EFNA5: variants seen among roughly 807,000 people sequenced by gnomAD.
EFNA5 encodes ephrin A5.
In EFNA5, 5 loss-of-function variants were observed where a neutral mutation model predicts 22.9. The ratio of observed to expected loss-of-function variants is 0.22; its 90% CI spans 0.11 to 0.46. The LOEUF (loss-of-function observed/expected upper bound fraction) is 0.46. Among genes scored for constraint, EFNA5 ranks in the 20% least tolerant of loss-of-function variants. The pLI is 0.99. For synonymous variants in EFNA5, 113 were observed against 112.2 expected, an observed-to-expected ratio of 1.01 and a Z score of -0.04; for missense variants, 237 against 293.3, an observed-to-expected ratio of 0.81 and a Z score of 1.40.
chr5:107,474,346 T>G (rs1750223084), intron 1 of EFNA5, among the ~76,000 whole-genome samples: 2 of 152,158 alleles, frequency 1.3e-5, no homozygotes, highest in African/African-American at 4.8e-5. Flanking sequence ...TTTGTCACTT[T>G]TCAGTATACC....
intron 1 of EFNA5, among the ~76,000 whole-genome samples, chr5:107,505,395 T>G (rs1016893307): frequency 2.0e-5 from 3 of 152,194 alleles, no homozygotes; most frequent in African/African-American, 7.2e-5. Flanking sequence ...GTACTGATTC[T>G]CCATGCAACA....
chr5:107,541,233 CGGT>C (rs1748040812), intron 1 of EFNA5, among the ~76,000 whole-genome samples: 1 of 151,952 alleles, frequency 6.6e-6, no homozygotes, highest in Non-Finnish European at 1.5e-5. Context: ...ATTATATTCA[CGGT>C]ATGATTATAG....
intron 1 of EFNA5, among the ~76,000 whole-genome samples, chr5:107,656,029 G>T (rs1032884111): frequency 6.6e-6 from 1 of 152,160 alleles, no homozygotes; most frequent in Non-Finnish European, 1.5e-5. Flanking sequence ...CCAGCTGCCC[G>T]TAAGGAGCAG....
intron 1 of EFNA5, among the ~76,000 whole-genome samples, chr5:107,657,894 G>T (rs1227274473): frequency 1.3e-5 from 2 of 152,056 alleles, no homozygotes; most frequent in Non-Finnish European, 2.9e-5. Context: ...GTAATCTTCT[G>T]AATTTAACTA....
intron 1 of EFNA5, among the ~76,000 whole-genome samples, chr5:107,506,470 G>A (rs548727912): frequency 3.1e-4 from 47 of 152,322 alleles, no homozygotes; most frequent in African/African-American, 1.0e-3. Context: ...ATGGACTGGG[G>A]TGAAGATAGG....
At chr5:107,557,307 AGCTTG>A (rs1748443074) in intron 1 of EFNA5, among the ~76,000 whole-genome samples, 1 of 128,542 alleles carries the variant, frequency 7.8e-6, no homozygotes, top group Admixed American at 7.6e-5. Context: ...CAGGCATCCT[AGCTTG>A]AGTTTCAGCC....
At chr5:107,585,577 G>A (rs1749168027) in intron 1 of EFNA5, among the ~76,000 whole-genome samples, 1 of 152,180 alleles carries the variant, frequency 6.6e-6, no homozygotes, top group Non-Finnish European at 1.5e-5. Flanking sequence ...AATAAGGGAA[G>A]AGTTTTCAGA....
chr5:107,438,190 GAGA>G (rs1387040176), intron 1 of EFNA5, among the ~76,000 whole-genome samples: 1 of 152,124 alleles, frequency 6.6e-6, no homozygotes, highest in Non-Finnish European at 1.5e-5. Flanking sequence ...AAATCAGGCG[GAGA>G]AGCTTATTAT....
chr5:107,639,865 C>A (rs900194102), intron 1 of EFNA5, among the ~76,000 whole-genome samples: 5 of 151,950 alleles, frequency 3.3e-5, no homozygotes, highest in African/African-American at 1.2e-4. Flanking sequence ...AGAATTATAC[C>A]ATGTTAATAG....
At chr5:107,518,699 C>A (rs1388072273) in intron 1 of EFNA5, among the ~76,000 whole-genome samples, 2 of 152,196 alleles carry the variant, frequency 1.3e-5, no homozygotes, top group African/African-American at 2.4e-5. Flanking sequence ...CCAAAGCACC[C>A]CTATGAGCTG....
At chr5:107,670,257 T>C (rs1278803298) in intron 1 of EFNA5, among the ~76,000 whole-genome samples, 2 of 151,900 alleles carry the variant, frequency 1.3e-5, no homozygotes, top group Non-Finnish European at 2.9e-5. Context: ...AAGCAGTTGG[T>C]CTAGGCAGCC....
intron 1 of EFNA5, among the ~76,000 whole-genome samples, chr5:107,564,285 C>A (rs906313679): frequency 6.6e-6 from 1 of 152,180 alleles, no homozygotes; most frequent in Non-Finnish European, 1.5e-5. Flanking sequence ...TCTGTCTTGG[C>A]TCCTAGCCTT....
chr5:107,607,446 C>A (rs1482482417), intron 1 of EFNA5, among the ~76,000 whole-genome samples: 1 of 152,184 alleles, frequency 6.6e-6, no homozygotes, highest in Non-Finnish European at 1.5e-5. Flanking sequence ...TGTTTTAAGA[C>A]AACACTGTCT....
At chr5:107,443,940 GTCAAGA>G (rs1170839775) in intron 1 of EFNA5, among the ~76,000 whole-genome samples, 1 of 152,294 alleles carries the variant, frequency 6.6e-6, no homozygotes, top group East Asian at 1.9e-4. Context: ...ATGCCTGAAT[GTCAAGA>G]TCAGAGACTA....
intron 1 of EFNA5, among the ~76,000 whole-genome samples, chr5:107,617,061 A>T (rs1580562270): frequency 6.6e-6 from 1 of 152,086 alleles, no homozygotes; most frequent in South Asian, 2.1e-4. Flanking sequence ...CAAGAACCAA[A>T]TCTAAAGGCT....
At chr5:107,641,037 C>T (rs928016345) in intron 1 of EFNA5, among the ~76,000 whole-genome samples, 3 of 149,152 alleles carry the variant, frequency 2.0e-5, no homozygotes, top group African/African-American at 7.6e-5. Context: ...GACAGACAGA[C>T]AGATAGATAG....
At chr5:107,425,936 A>G (rs964080260) in intron 2 of EFNA5, among the ~76,000 whole-genome samples, 3 of 152,160 alleles carry the variant, frequency 2.0e-5, no homozygotes, top group Non-Finnish European at 2.9e-5. Flanking sequence ...GTCGATGCTA[A>G]GCATACTGAG....
At chr5:107,621,767 G>A (rs1040490974) in intron 1 of EFNA5, among the ~76,000 whole-genome samples, 6 of 151,990 alleles carry the variant, frequency 3.9e-5, no homozygotes, top group African/African-American at 9.7e-5. Flanking sequence ...ATAAAATAAC[G>A]GGGGATTTAA....
intron 2 of EFNA5, among the ~76,000 whole-genome samples, chr5:107,394,031 A>T (rs1747854907): frequency 6.6e-6 from 1 of 152,270 alleles, no homozygotes; most frequent in Non-Finnish European, 1.5e-5. Flanking sequence ...ATACTAAAGC[A>T]ACAATTTGCA....
Sources: allele counts gnomAD v4.1 joint callset (sites outside exome capture counted in the v4.1 genomes callset), GRCh38; gene constraint gnomAD v4.1.1; transcripts MANE v1.5; gene names NCBI Gene and HGNC (gene_info 2026-07-23, HGNC 2026-07-21).